The following GRM5 variants were observed in gnomAD, a reference collection of about 807,000 sequenced individuals.
The protein encoded by GRM5 is metabotropic glutamate receptor 5.
In GRM5, 19 loss-of-function variants were observed where a neutral mutation model predicts 83.1. The observed-to-expected ratio is 0.23, with a 90% confidence interval of 0.16 to 0.34. GRM5 has a LOEUF of 0.34. Among genes scored for constraint, GRM5 ranks in the 10% least tolerant of loss-of-function variants. The pLI is 1.00. For missense variants in GRM5, 1,160 were observed against 1,588.3 expected, an observed-to-expected ratio of 0.73 and a Z score of 4.58; for synonymous variants, 675 against 633.6, an observed-to-expected ratio of 1.07 and a Z score of -0.98.
chr11:89,026,854 C>T (rs1411816001), intron 2 of GRM5, among the ~76,000 whole-genome samples: 3 of 152,186 alleles, frequency 2.0e-5, no homozygotes, highest in Non-Finnish European at 4.4e-5. Flanking sequence ...TTATTTCTGT[C>T]TTCTCACAGT....
At chr11:88,956,035 C>T (rs999274027) in intron 2 of GRM5, among the ~76,000 whole-genome samples, 2 of 152,148 alleles carry the variant, frequency 1.3e-5, no homozygotes, top group Non-Finnish European at 2.9e-5. Flanking sequence ...GTCTTGCTAA[C>T]GTCAGATCAG....
intron 3 of GRM5, among the ~76,000 whole-genome samples, chr11:88,773,135 T>C (rs112622593): frequency 0.11 from 16,772 of 152,016 alleles, 2,013 homozygotes; most frequent in African/African-American, 0.3. Flanking sequence ...TTTTAATGAT[T>C]GCCATTCTAA....
rs542613070 is a variant in GRM5, at chr11:89,039,880, A to T, written c.661+7332T>A. Among the ~76,000 whole-genome samples the T allele has an allele frequency of 1.3e-3, 198 of 152,286 alleles. 11 individuals are homozygous for T. The highest frequency in any genetic ancestry group is 6.8e-3 in the Middle Eastern group (2 of 294). ...CAGTGGTGCAAACTTCGCTCACTTC[A>T]GCCTCAACCTCTTGTCCTCAAGTGA... On this transcript the variant is annotated intron_variant, in intron 2 of 9. Transcript: ENST00000305447.
chr11:88,990,203 A>G (rs1939915502), intron 2 of GRM5, among the ~76,000 whole-genome samples: 1 of 151,354 alleles, frequency 6.6e-6, no homozygotes, highest in African/African-American at 2.4e-5. Context: ...CCACAGAAAT[A>G]CAAACTACCA....
At chr11:88,754,158 T>C (rs1054622714) in intron 3 of GRM5, among the ~76,000 whole-genome samples, 4 of 152,108 alleles carry the variant, frequency 2.6e-5, no homozygotes, top group Non-Finnish European at 4.4e-5. Context: ...TTGGAAACCA[T>C]TATCCTCAGC....
At chr11:88,553,325 A>AT (rs1942553736) in intron 8 of GRM5, among the ~76,000 whole-genome samples, 1 of 152,186 alleles carries the variant, frequency 6.6e-6, no homozygotes, top group Non-Finnish European at 1.5e-5. Flanking sequence ...TTCTCCAGCA[A>AT]TAAGCCGTAC....
intron 2 of GRM5, among the ~76,000 whole-genome samples, chr11:88,927,952 C>T (rs1294796633): frequency 6.6e-6 from 1 of 152,076 alleles, no homozygotes; most frequent in Non-Finnish European, 1.5e-5. Context: ...CCCCCAGTCA[C>T]TTAACTTCAG....
intron 3 of GRM5, among the ~76,000 whole-genome samples, chr11:88,847,602 A>G (rs1451180192): frequency 6.6e-6 from 1 of 152,168 alleles, no homozygotes; most frequent in African/African-American, 2.4e-5. Context: ...AGAAAAAAAA[A>G]CATGGGCCAA....
chr11:88,913,833 T>C (rs923364338), intron 2 of GRM5, among the ~76,000 whole-genome samples: 2 of 152,114 alleles, frequency 1.3e-5, no homozygotes, highest in East Asian at 3.9e-4. Context: ...GTGTTTTACA[T>C]ACCTCGGCCT....
intron 5 of GRM5, among the ~76,000 whole-genome samples, chr11:88,600,010 C>T (rs1937932845): frequency 6.6e-6 from 1 of 151,580 alleles, no homozygotes. Context: ...GAGACTGTCT[C>T]AAAACAAAAC....
intron 1 of GRM5, among the ~76,000 whole-genome samples, chr11:89,050,188 C>T (rs979932563): frequency 1.3e-5 from 2 of 152,012 alleles, no homozygotes; most frequent in African/African-American, 2.4e-5. Flanking sequence ...TGAAGGTATG[C>T]GAAGTTTGTT....
intron 7 of GRM5, among the ~76,000 whole-genome samples, chr11:88,588,607 A>T (rs1356983071): frequency 6.6e-6 from 1 of 152,118 alleles, no homozygotes; most frequent in Non-Finnish European, 1.5e-5. Flanking sequence ...ATTTCTTCTT[A>T]GTTATTATTT....
intron 2 of GRM5, among the ~76,000 whole-genome samples, chr11:88,959,243 T>C (rs537760838): frequency 4.3e-4 from 65 of 152,078 alleles, no homozygotes; most frequent in Non-Finnish European, 9.0e-4. Context: ...AAAATACAAA[T>C]GTTAAGATGA....
chr11:88,591,348 G>T (rs1937636321), intron 6 of GRM5, among the ~76,000 whole-genome samples: 1 of 152,100 alleles, frequency 6.6e-6, no homozygotes, highest in South Asian at 2.1e-4. Flanking sequence ...TTTGTTTGAA[G>T]GTAGATGAGG....
In GRM5 at chr11:88,528,448, T is replaced by C. The variant is rs189435127; in HGVS notation, c.2631-3044A>G. ...GTAATGTGCTGTTCAAAATTACTAA[T>C]AGATTTAATAGTCTCAACTGTTGAG... On this transcript the variant is annotated intron_variant, in intron 8 of 9. Transcript: ENST00000305447. Among the ~76,000 whole-genome samples the C allele has an allele frequency of 4.2e-3, 638 of 152,230 alleles. 1 individual carries two copies. The highest frequency in any genetic ancestry group is 6.6e-3 in the Non-Finnish European group (447 of 67,948).
In GRM5 at chr11:88,840,975, G is replaced by A. The variant is rs546244634; in HGVS notation, c.911+8931C>T. Among the ~76,000 whole-genome samples, 9 of 152,248 alleles carry A rather than the reference G, an allele frequency of 5.9e-5. No homozygotes were observed. In the East Asian group the frequency reaches 1.7e-3, roughly 29 times the overall value. On this transcript the variant is annotated intron_variant, in intron 3 of 9. Transcript: ENST00000305447. ...CTCTAAATGTCCAGGTCTTCTTCTT[G>A]TACAACCAAAAGACTGGTAGCTGAT...
chr11:88,722,212 G>A (rs781427016), intron 3 of GRM5, among the ~76,000 whole-genome samples: 1 of 151,500 alleles, frequency 6.6e-6, no homozygotes, highest in Non-Finnish European at 1.5e-5. Context: ...AGCCTTTACT[G>A]GAGGGTGGAA....
chr11:88,815,823 C>T (rs1050894438), intron 3 of GRM5, among the ~76,000 whole-genome samples: 63 of 152,178 alleles, frequency 4.1e-4, no homozygotes, highest in African/African-American at 1.4e-3. Flanking sequence ...CCACCTCCAA[C>T]ATTGAAATCA....
chr11:88,531,995 A>G (rs542682571), intron 8 of GRM5, among the ~76,000 whole-genome samples: 2 of 152,210 alleles, frequency 1.3e-5, no homozygotes, highest in Admixed American at 1.3e-4. Context: ...ATATGTGTAG[A>G]AACCACAGTA....
Sources: allele counts gnomAD v4.1 joint callset (sites outside exome capture counted in the v4.1 genomes callset), GRCh38; gene constraint gnomAD v4.1.1; transcripts MANE v1.5; gene names NCBI Gene and HGNC (gene_info 2026-07-23, HGNC 2026-07-21).